Variants in XKR5 observed in about 807,000 individuals in gnomAD.
The protein encoded by XKR5 is XK-related protein 5.
In XKR5, 46 loss-of-function variants were observed where a neutral mutation model predicts 40.8. That is an observed-to-expected ratio of 1.13 (90% CI 0.89 to 1.44). The LOEUF is 1.44. Ranked by LOEUF, XKR5 falls within the 40% of genes most tolerant of loss-of-function variation. XKR5 has a pLI of 0.00. For missense variants in XKR5, 1,169 were observed against 844.7 expected (o/e 1.38, Z -4.76); for synonymous variants, 466 against 356.1 (o/e 1.31, Z -3.48).
intron 4 of XKR5, among the ~76,000 whole-genome samples, chr8:6,822,910 T>G (rs1276510087): frequency 6.6e-6 from 1 of 152,252 alleles, no homozygotes. Context: ...GGAAGCTATG[T>G]GCAGTATGAC....
chr8:6,823,781 A>T, intron 3 of XKR5, 51 bp from the exon 4 acceptor site: 1 of 1,445,130 alleles, frequency 6.9e-7, no homozygotes, highest in Non-Finnish European at 9.5e-7. Flanking sequence ...CCGAAGTAAC[A>T]GTACCTTGTG....
rs1006928288 is a variant in XKR5, at chr8:6,812,129, G to A, written c.1130C>T (p.Pro377Leu). 1.9e-6 allele frequency: 3 copies of A among 1,549,406 alleles called. No individual in the cohort carries two copies. In the East Asian group the frequency reaches 7.3e-5, roughly 38 times the overall value. ...TGGGGGGACCTGCTCAGGGGTAGGG[G>A]GCTTCCCTAAAATGGTTGGTTCATA... ...ASYEPTILGK[P>L]PTPEQVPPEA... Residue 377 changes from proline to leucine, a missense_variant, in exon 7 of 7, where the codon CCC (proline) becomes CTC (leucine). Physicochemically the swap from Pro to Leu is moderately conservative, Grantham distance 98 (BLOSUM62 -3). Transcript: ENST00000618742.
intron 2 of XKR5, among the ~76,000 whole-genome samples, chr8:6,826,244 G>A (rs569983435): frequency 4.9e-4 from 75 of 152,212 alleles, no homozygotes; most frequent in African/African-American, 1.5e-3. Context: ...TATATAGTGT[G>A]TATGTTTATA....
chr8:6,830,899 G>T (rs1045584224), intron 2 of XKR5, among the ~76,000 whole-genome samples: 1 of 152,126 alleles, frequency 6.6e-6, no homozygotes, highest in Non-Finnish European at 1.5e-5. Flanking sequence ...GCATGAATTT[G>T]GACACACCGT....
chr8:6,811,852 A>G lies in XKR5; in HGVS notation c.1407T>C (p.Ser469=). The G allele has an allele frequency of 6.5e-7, 1 of 1,537,604 alleles. No homozygotes were observed. Among genetic ancestry groups the G allele is most frequent in the Non-Finnish European group, 8.7e-7 (1 of 1,146,984 alleles). ...SRDPSTLENS[S]AFEGVPKAEA... Reference sequence around the variant, plus strand: ...CTGCTTTAGGGACACCTTCAAACGCAGAGCTGTTCTCTAAGGTTGAGGGGT... The same window carrying G: ...CTGCTTTAGGGACACCTTCAAACGCGGAGCTGTTCTCTAAGGTTGAGGGGT... Residue 469 remains serine (S), a synonymous_variant, in exon 7 of 7, where the codon TCT becomes TCC. Coordinates refer to ENST00000618742, the MANE Select transcript of XKR5 (RefSeq NM_207411.5).
At chr8:6,815,053 T>C (rs1803895868) in intron 6 of XKR5, among the ~76,000 whole-genome samples, 1 of 152,176 alleles carries the variant, frequency 6.6e-6, no homozygotes, top group Non-Finnish European at 1.5e-5. Context: ...TCCTGGCCCA[T>C]GTTGCAGAAG....
At chr8:6,814,012 C>T (rs576093287) in intron 6 of XKR5, among the ~76,000 whole-genome samples, 29 of 152,286 alleles carry the variant, frequency 1.9e-4, no homozygotes, top group African/African-American at 6.5e-4. Context: ...GTTGTTAGAC[C>T]TCCCGGCCGG....
intron 5 of XKR5, among the ~76,000 whole-genome samples, chr8:6,820,938 T>C (rs1233623571): frequency 6.6e-6 from 1 of 152,242 alleles, no homozygotes; most frequent in Non-Finnish European, 1.5e-5. Flanking sequence ...ATATGAATAA[T>C]GGCCACAATT....
intron 1 of XKR5, among the ~76,000 whole-genome samples, chr8:6,835,017 C>T (rs1201754280): frequency 6.6e-6 from 1 of 152,164 alleles, no homozygotes; most frequent in Admixed American, 6.5e-5. Context: ...GGGGGAGAGC[C>T]CGGGCGCCCC....
chr8:6,822,989 C>T (rs555877993), intron 4 of XKR5, among the ~76,000 whole-genome samples: 44 of 152,326 alleles, frequency 2.9e-4, no homozygotes, highest in Middle Eastern at 3.4e-3. Flanking sequence ...GTTTCAGTGA[C>T]AGTTTTTCTA....
At chr8:6,829,675 C>A (rs1320077577) in intron 2 of XKR5, among the ~76,000 whole-genome samples, 1 of 152,094 alleles carries the variant, frequency 6.6e-6, no homozygotes, top group Admixed American at 6.6e-5. Context: ...GTGACCACGC[C>A]TGGCTAATTT....
chr8:6,834,305 C>G (rs977085915), intron 1 of XKR5, among the ~76,000 whole-genome samples: 1 of 152,264 alleles, frequency 6.6e-6, no homozygotes, highest in Admixed American at 6.5e-5. Context: ...TGAGGTACAG[C>G]TGCAGACGCT....
Position 6,812,018 on chromosome 8 carries a change from G to C in XKR5, c.1241C>G (p.Thr414Arg). Residue 414 changes from threonine to arginine, a missense_variant, in exon 7 of 7, where the codon ACA becomes AGA. Physicochemically the swap from Thr to Arg is moderately conservative, Grantham distance 71. Coordinates refer to ENST00000618742, the MANE Select transcript of XKR5 (RefSeq NM_207411.5). ...HWLWVKLALK[T>R]GNVSKINAAF... ...GGCATTGATCTTAGACACATTTCCTGTTTTTAGGGCAAGTTTCACCCACAG... is the reference window on the plus strand; with the variant it reads ...GGCATTGATCTTAGACACATTTCCTCTTTTTAGGGCAAGTTTCACCCACAG... 1 of 1,537,518 alleles carries C rather than the reference G, an allele frequency of 6.5e-7. No individual in the cohort carries two copies.
chr8:6,834,664 G>T (rs1037536043), intron 1 of XKR5, among the ~76,000 whole-genome samples: 6 of 151,858 alleles, frequency 4.0e-5, no homozygotes, highest in African/African-American at 1.2e-4. Flanking sequence ...GCGTTCCCAG[G>T]GTACCCCCTC....
chr8:6,827,818 C>G (rs1051514043), intron 2 of XKR5, among the ~76,000 whole-genome samples: 1 of 152,156 alleles, frequency 6.6e-6, no homozygotes. Context: ...TGAATCCCAG[C>G]TTTTTGGGAG....
intron 2 of XKR5, among the ~76,000 whole-genome samples, chr8:6,830,444 A>C (rs1223670552): frequency 6.6e-6 from 1 of 152,170 alleles, no homozygotes; most frequent in African/African-American, 2.4e-5. Context: ...TATGGAAGTA[A>C]ATTTCTGTTT....
chr8:6,815,310 A>C (rs1266942431), intron 6 of XKR5, among the ~76,000 whole-genome samples: 1 of 152,188 alleles, frequency 6.6e-6, no homozygotes, highest in Non-Finnish European at 1.5e-5. Flanking sequence ...GCCTGTGCTC[A>C]GGCCTGCACT....
intron 1 of XKR5, 52 bp from the exon 2 acceptor site, chr8:6,832,952 T>C (rs1439689967): frequency 2.1e-6 from 3 of 1,432,358 alleles, no homozygotes; most frequent in Non-Finnish European, 2.8e-6. Flanking sequence ...GGAGTGAGAC[T>C]GGGTACCTGC....
At chr8:6,817,351 C>T (rs996267551) in intron 5 of XKR5, among the ~76,000 whole-genome samples, 1 of 152,196 alleles carries the variant, frequency 6.6e-6, no homozygotes, top group Non-Finnish European at 1.5e-5. Flanking sequence ...CTGGGGTCAT[C>T]TTCCAGCATG....
Sources: allele counts gnomAD v4.1 joint callset (sites outside exome capture counted in the v4.1 genomes callset), GRCh38; gene constraint gnomAD v4.1.1; transcripts MANE v1.5; gene names NCBI Gene and HGNC (gene_info 2026-07-23, HGNC 2026-07-21).